Variants in UGT1A9 observed in about 807,000 individuals in gnomAD.
The protein encoded by UGT1A9 is UDP glucuronosyltransferase family 1 member A9.
UGT1A9 carries 35 observed loss-of-function variants against 45.0 expected under a neutral mutation model. The observed-to-expected ratio is 0.78, with a 90% confidence interval of 0.59 to 1.03. The LOEUF is 1.03. UGT1A9 is among the 50% of genes least tolerant of loss of function. The pLI, the probability that UGT1A9 is intolerant of heterozygous loss-of-function variation, is 0.00. For missense variants in UGT1A9, 687 were observed against 666.6 expected, an observed-to-expected ratio of 1.03 and a Z score of -0.34; for synonymous variants, 278 against 250.6, an observed-to-expected ratio of 1.11 and a Z score of -1.03.
intron 1 of UGT1A9, among the ~76,000 whole-genome samples, chr2:233,709,500 C>T (rs558289619): frequency 6.6e-6 from 1 of 152,232 alleles, no homozygotes; most frequent in Non-Finnish European, 1.5e-5. Context: ...AAGTCTCTGC[C>T]TCTTGCTCTC....
chr2:233,731,757 G>A (rs2078201217), intron 1 of UGT1A9, among the ~76,000 whole-genome samples: 1 of 152,162 alleles, frequency 6.6e-6, no homozygotes. Flanking sequence ...GTGTGCATGT[G>A]TCCTTAGAGT....
At position 233,760,497 on chromosome 2, in the gene UGT1A9, C is replaced by G. The variant is rs1553620689; in HGVS notation, c.856-6537C>G. ...CTGACGCCTCGTTGTACATCAGAGACGGAGCATTTTACACCTTGAAGACGT... is the reference window on the plus strand; with the variant it reads ...CTGACGCCTCGTTGTACATCAGAGAGGGAGCATTTTACACCTTGAAGACGT... On this transcript the variant is annotated intron_variant, in intron 1 of 4. Transcript: ENST00000354728. 1.2e-6 allele frequency: 2 copies of G among 1,614,200 alleles called. No individual in the cohort carries two copies. The highest frequency in any genetic ancestry group is 2.7e-5 in the African/African-American group (2 of 75,048).
intron 1 of UGT1A9, among the ~76,000 whole-genome samples, chr2:233,764,468 T>G (rs553812675): frequency 1.3e-5 from 2 of 152,324 alleles, no homozygotes; most frequent in Middle Eastern, 6.8e-3. Context: ...GATCTCCTGC[T>G]ATTTAACTTC....
At chr2:233,705,332 C>T (rs2075841710) in intron 1 of UGT1A9, among the ~76,000 whole-genome samples, 1 of 152,172 alleles carries the variant, frequency 6.6e-6, no homozygotes, top group Admixed American at 6.5e-5. Context: ...AACACATTCT[C>T]TCAATTTTTG....
At chr2:233,721,765 T>C (rs974997487) in intron 1 of UGT1A9, 7 of 478,556 alleles carry the variant, frequency 1.5e-5, no homozygotes, top group South Asian at 6.1e-5. Context: ...TAAATTGTTA[T>C]ATTTAGCATT....
At chr2:233,713,365 A>G (rs759531587) in intron 1 of UGT1A9, 3 of 1,614,078 alleles carry the variant, frequency 1.9e-6, no homozygotes, top group African/African-American at 1.3e-5. Flanking sequence ...TTGATCATAC[A>G]TAGGTCTTGT....
At position 233,701,149 on chromosome 2, in the gene UGT1A9, T is replaced by G. The variant is rs530857343; in HGVS notation, c.855+28360T>G. ...GGACATTTAGGTTGGTTCCAAGTCT[T>G]TGCTATTGTGAATAGTGCCGTTATA... On this transcript the variant is annotated intron_variant, in intron 1 of 4. Transcript: ENST00000354728. Among the ~76,000 whole-genome samples the G allele has an allele frequency of 9.2e-5, 14 of 152,334 alleles. No homozygotes were observed. The South Asian group carries it at 2.1e-3, about 23-fold the overall frequency.
chr2:233,729,225 G>T, intron 1 of UGT1A9: 1 of 1,614,158 alleles, frequency 6.2e-7, no homozygotes, highest in South Asian at 1.1e-5. Context: ...AGGTGTTGGT[G>T]GTGCCCATTG....
At chr2:233,678,818 C>T (rs1352104099) in intron 1 of UGT1A9, among the ~76,000 whole-genome samples, 1 of 152,192 alleles carries the variant, frequency 6.6e-6, no homozygotes, top group East Asian at 1.9e-4. Context: ...CTCCAAGAGT[C>T]ATATTTTGAA....
chr2:233,683,254 T>C (rs1390186173), intron 1 of UGT1A9, among the ~76,000 whole-genome samples: 1 of 152,166 alleles, frequency 6.6e-6, no homozygotes, highest in Non-Finnish European at 1.5e-5. Flanking sequence ...TGTTTTTTTA[T>C]GTTAGATTTT....
intron 1 of UGT1A9, chr2:233,729,382 C>T (rs775388472): frequency 6.2e-7 from 1 of 1,613,960 alleles, no homozygotes; most frequent in South Asian, 1.1e-5. Context: ...TTCGTGGACC[C>T]AGGATGAATT....
chr2:233,745,050 TTTATTTGTA>T (rs1253240051), intron 1 of UGT1A9, among the ~76,000 whole-genome samples: 6 of 151,926 alleles, frequency 3.9e-5, no homozygotes, highest in South Asian at 2.1e-4. Context: ...GTATTGGTTT[TTTATTTGTA>T]TTATTTGTAT....
At chr2:233,676,997 AT>A (rs1303405574) in intron 1 of UGT1A9, among the ~76,000 whole-genome samples, 15 of 149,548 alleles carry the variant, frequency 1.0e-4, no homozygotes, top group South Asian at 2.1e-4. Flanking sequence ...GTTACCTCTA[AT>A]TTTTTTTTTC....
At chr2:233,690,891 T>C in intron 1 of UGT1A9, 1 of 1,056,342 alleles carries the variant, frequency 9.5e-7, no homozygotes, top group Non-Finnish European at 1.1e-6. Context: ...ATTCAAGGGA[T>C]GGTATGCATA....
At chr2:233,682,585 A>T (rs1276385712) in intron 1 of UGT1A9, 1 of 1,613,824 alleles carries the variant, frequency 6.2e-7, no homozygotes, top group East Asian at 2.2e-5. Flanking sequence ...ACTTGGAGGA[A>T]CATTTATTTT....
At chr2:233,764,546 TGGGA>T (rs1045982534) in intron 1 of UGT1A9, among the ~76,000 whole-genome samples, 5 of 152,234 alleles carry the variant, frequency 3.3e-5, no homozygotes, top group African/African-American at 1.2e-4. Context: ...AGTGGGCGTG[TGGGA>T]GGGTGTGCCT....
At chr2:233,760,645 T>A (rs751311281) in intron 1 of UGT1A9, 1 of 1,614,248 alleles carries the variant, frequency 6.2e-7, no homozygotes, top group South Asian at 1.1e-5. Flanking sequence ...AAAAAAGGAC[T>A]CTGCTATGCT....
At chr2:233,735,712 C>CA (rs2078686822) in intron 1 of UGT1A9, among the ~76,000 whole-genome samples, 1 of 152,140 alleles carries the variant, frequency 6.6e-6, no homozygotes, top group Non-Finnish European at 1.5e-5. Flanking sequence ...CTGGTGGTGA[C>CA]AAAATCTCTC....
At chr2:233,709,119 A>T (rs1007025672) in intron 1 of UGT1A9, among the ~76,000 whole-genome samples, 3 of 152,074 alleles carry the variant, frequency 2.0e-5, no homozygotes, top group African/African-American at 7.2e-5. Flanking sequence ...TGAACTAATC[A>T]TGGTGGCCAA....
Sources: gnomAD v4.1 joint callset for allele counts (sites outside exome capture counted in the v4.1 genomes callset) on GRCh38, gnomAD v4.1.1 for gene constraint, MANE v1.5 for transcripts, NCBI Gene and HGNC (gene_info 2026-07-23, HGNC 2026-07-21) for gene names.